Variants in UXS1 observed in about 807,000 individuals in gnomAD.
UXS1 encodes UDP-glucuronic acid decarboxylase 1.
A neutral mutation model predicts 62.6 loss-of-function variants in UXS1; 33 were observed. That is an observed-to-expected ratio of 0.53 (90% CI 0.40 to 0.70). The LOEUF (loss-of-function observed/expected upper bound fraction) is 0.70, where lower values mean the gene tolerates loss of function less well. UXS1 is among the 30% of genes least tolerant of loss of function. The probability of loss-of-function intolerance (pLI) is 0.00; values close to 1 mark genes in which losing one functional copy is unlikely to be tolerated. For synonymous variants in UXS1, 213 were observed against 206.8 expected, an observed-to-expected ratio of 1.03 and a Z score of -0.26; for missense variants, 434 against 556.3, an observed-to-expected ratio of 0.78 and a Z score of 2.21.
intron 5 of UXS1, 131 bp from the exon 6 acceptor site, chr2:106,145,501 A>G: frequency 1.7e-6 from 2 of 1,169,316 alleles, no homozygotes; most frequent in East Asian, 5.3e-5. Flanking sequence ...GGGAAGGAAG[A>G]CAGCAAAGGT....
At chr2:106,121,218 A>AC (rs1289338676) in intron 9 of UXS1, among the ~76,000 whole-genome samples, 21 of 152,130 alleles carry the variant, frequency 1.4e-4, no homozygotes, top group Non-Finnish European at 2.8e-4. Flanking sequence ...CTAGAACAGT[A>AC]CCTAGCATAC....
intron 1 of UXS1, chr2:106,166,294 T>C (rs566782311): frequency 6.1e-6 from 3 of 492,750 alleles, no homozygotes; most frequent in Admixed American, 3.9e-5. Context: ...CAGGCCAAGT[T>C]TGAGAACTGC....
chr2:106,117,630 G>T (rs1453352798), intron 9 of UXS1, among the ~76,000 whole-genome samples: 1 of 152,192 alleles, frequency 6.6e-6, no homozygotes, highest in East Asian at 1.9e-4. Context: ...AGGTGCCTGG[G>T]CATATTCACC....
rs1419897573 is a variant in UXS1 at position 106,101,068 on chromosome 2, G to A, written c.974C>T (p.Pro325Leu). Residue 325 changes from proline (P) to leucine (L), a missense_variant, in exon 12 of 15, where the codon CCG becomes CTG. Coordinates refer to ENST00000283148, the MANE Select transcript of UXS1 (RefSeq NM_001253875.2). ...GAGAGGAGCACTCACCAGGTTGACC[G>A]GGCTGCTGACGTTGCTGTTCATGAG... is the stretch of plus-strand genomic sequence containing the variant. ...VALMNSNVSS[P>L]VNLGNPEEHT... The A allele has an allele frequency of 7.4e-6, 12 of 1,613,762 alleles. No individual in the cohort carries two copies. The highest frequency in any genetic ancestry group is 1.1e-5 in the South Asian group (1 of 91,074).
chr2:106,125,357 A>G (rs926218059), intron 8 of UXS1, among the ~76,000 whole-genome samples: 1 of 152,178 alleles, frequency 6.6e-6, no homozygotes, highest in African/African-American at 2.4e-5. Flanking sequence ...TGGCAGAAAC[A>G]CTTCTGTGGA....
intron 5 of UXS1, among the ~76,000 whole-genome samples, chr2:106,150,706 T>C (rs1181487023): frequency 6.6e-6 from 1 of 151,316 alleles, no homozygotes; most frequent in Non-Finnish European, 1.5e-5. Context: ...GGGTGGGAGG[T>C]GGCGGGGGGT....
In UXS1 at chr2:106,194,299, T is replaced by A; in HGVS notation, c.-58A>T. ...GCGCGGGGGCCCGCCTGCTGCACAA[T>A]GCGCGGCGGCGGCGGCGGCAGCGGC... is the stretch of plus-strand genomic sequence containing the variant. On this transcript the variant is annotated 5_prime_UTR_variant, in exon 1 of 15. Transcript: ENST00000283148. 3 of 964,188 alleles carry A rather than the reference T, an allele frequency of 3.1e-6. No homozygotes were observed. The highest frequency in any genetic ancestry group is 3.9e-6 in the Non-Finnish European group (3 of 777,032). 59.7% of individuals were successfully genotyped at this position (964,188 alleles called of 1,614,324 possible).
At chr2:106,180,656 C>T (rs1226523327) in intron 1 of UXS1, among the ~76,000 whole-genome samples, 3 of 152,190 alleles carry the variant, frequency 2.0e-5, no homozygotes, top group Non-Finnish European at 4.4e-5. Context: ...AGTCCAGCGT[C>T]ACCATTTAAC....
Position 106,095,331 on chromosome 2 carries a change from G to T in UXS1, c.1147-1174C>A, listed in dbSNP as rs182248603. Among the ~76,000 whole-genome samples, 22 of 152,264 alleles carry T rather than the reference G, an allele frequency of 1.4e-4. 1 individual carries two copies. Among genetic ancestry groups the T allele is most frequent in the African/African-American group, 5.3e-4 (22 of 41,546 alleles). The stretch of plus-strand genomic sequence containing the variant: ...TGTTTTGCACAGCTTGGGATTATTC[G>T]ATTTTGTGAAGTCTGGGTGTAATTG... On this transcript the variant is annotated intron_variant, in intron 14 of 14. Transcript: ENST00000283148.
chr2:106,098,871 G>T, intron 12 of UXS1, 98 bp from the exon 13 acceptor site: 1 of 1,097,640 alleles, frequency 9.1e-7, no homozygotes, highest in Non-Finnish European at 1.4e-6. Context: ...TACTGGCCGA[G>T]TCTGACCTCC....
At chr2:106,099,431 T>A (rs1245593520) in intron 12 of UXS1, among the ~76,000 whole-genome samples, 1 of 152,170 alleles carries the variant, frequency 6.6e-6, no homozygotes, top group East Asian at 1.9e-4. Flanking sequence ...TTCTATACCC[T>A]AAAGCCTCTT....
chr2:106,096,089 C>A (rs1247395038), intron 14 of UXS1, among the ~76,000 whole-genome samples: 1 of 152,230 alleles, frequency 6.6e-6, no homozygotes, highest in Non-Finnish European at 1.5e-5. Context: ...TTGCCCCTGA[C>A]CTGGCCCCGC....
Position 106,153,191 on chromosome 2 carries a change from C to A in UXS1, c.291+4867G>T, listed in dbSNP as rs556660155. The stretch of plus-strand genomic sequence containing the variant: ...GGACACTTAAGAAACCTCCTGGGGT[C>A]AGAACAAATCTCAAAGACTGGTCTC... On this transcript the variant is annotated intron_variant, in intron 5 of 14. Coordinates refer to ENST00000283148, the MANE Select transcript of UXS1 (RefSeq NM_001253875.2). 1.5e-3 allele frequency among the ~76,000 whole-genome samples: 229 copies of A among 152,304 alleles called. 1 individual carries two copies. Among genetic ancestry groups the A allele is most frequent in the Non-Finnish European group, 2.4e-3 (162 of 68,014 alleles).
chr2:106,121,846 C>T (rs1304380827), intron 9 of UXS1, among the ~76,000 whole-genome samples: 1 of 152,208 alleles, frequency 6.6e-6, no homozygotes, highest in Non-Finnish European at 1.5e-5. Flanking sequence ...ACATTCTCTC[C>T]TACCCCTCAG....
Position 106,093,811 on chromosome 2 carries a change from A to G in UXS1, c.*215T>C, listed in dbSNP as rs1676854419. 7.2e-6 allele frequency: 4 copies of G among 552,978 alleles called. No individual in the cohort carries two copies. The highest frequency in any genetic ancestry group is 2.0e-5 in the African/African-American group (1 of 50,836). The allele number at this position is 552,978 out of a possible 1,614,324, so 34.3% of individuals were successfully genotyped here. On this transcript the variant is annotated 3_prime_UTR_variant, in exon 15 of 15. Transcript: ENST00000283148. ...GAGATGCATCTACGCTATTTTACAT[A>G]AAAAGAGAGATTCAAAAAGTGCAAG...
At chr2:106,111,498 G>A (rs893616492) in intron 10 of UXS1, among the ~76,000 whole-genome samples, 4 of 152,172 alleles carry the variant, frequency 2.6e-5, no homozygotes, top group African/African-American at 4.8e-5. Flanking sequence ...GTTGGTAGCG[G>A]AGCAGCCAAC....
intron 5 of UXS1, among the ~76,000 whole-genome samples, chr2:106,150,826 C>T (rs1203306619): frequency 2.0e-5 from 3 of 152,192 alleles, no homozygotes; most frequent in African/African-American, 7.2e-5. Context: ...CTCCAACTCG[C>T]GAGAGCAGCC....
At chr2:106,150,146 G>T (rs1681893242) in intron 5 of UXS1, among the ~76,000 whole-genome samples, 1 of 152,146 alleles carries the variant, frequency 6.6e-6, no homozygotes, top group Non-Finnish European at 1.5e-5. Flanking sequence ...AATATTAAAA[G>T]AATTGCATGG....
chr2:106,095,557 T>C (rs940531372), intron 14 of UXS1, among the ~76,000 whole-genome samples: 1 of 152,248 alleles, frequency 6.6e-6, no homozygotes, highest in Non-Finnish European at 1.5e-5. Flanking sequence ...ACTCTCTGAC[T>C]GCGCCACAAC....
Sources: allele counts gnomAD v4.1 joint callset (sites outside exome capture counted in the v4.1 genomes callset), GRCh38; gene constraint gnomAD v4.1.1; transcripts MANE v1.5; gene names NCBI Gene and HGNC (gene_info 2026-07-23, HGNC 2026-07-21).